The following ASH1L variants were observed in gnomAD, a reference collection of about 807,000 sequenced individuals.
The protein encoded by ASH1L is ASH1 like histone lysine methyltransferase.
In ASH1L, 23 loss-of-function variants were observed where a neutral mutation model predicts 269.0. That is an observed-to-expected ratio of 0.09 (90% confidence interval 0.06 to 0.12). The LOEUF (loss-of-function observed/expected upper bound fraction) is 0.12. ASH1L is among the 10% of genes least tolerant of loss of function. The probability of loss-of-function intolerance (pLI) is 1.00; values close to 1 mark genes in which losing one functional copy is unlikely to be tolerated. For missense variants in ASH1L, 2,912 were observed against 3,567.8 expected (o/e 0.82, Z 4.68); for synonymous variants, 1,187 against 1,253.5 (o/e 0.95, Z 1.12).
chr1:155,393,648 G>T (rs1658126476), intron 7 of ASH1L, among the ~76,000 whole-genome samples: 1 of 151,290 alleles, frequency 6.6e-6, no homozygotes, highest in African/African-American at 2.4e-5. Context: ...TCCGCCTCCT[G>T]GGTTCACGCC....
chr1:155,556,436 G>A lies in ASH1L; in HGVS notation c.-100+5717C>T, dbSNP rs12725249. The stretch of plus-strand genomic sequence containing the variant: ...TGTGTGTGTGTGTGTGTGTGTGTGT[G>A]TGTATGTGTATATATATATATTTTT... On this transcript the variant is annotated intron_variant, in intron 1 of 27. Coordinates refer to ENST00000392403, the MANE Select transcript of ASH1L (RefSeq NM_018489.3). Among the ~76,000 whole-genome samples, 3 of 135,504 alleles carry A rather than the reference G, an allele frequency of 2.2e-5. No homozygotes were observed. The East Asian group carries it at 7.6e-4, about 34-fold the overall frequency. 88.9% of individuals were successfully genotyped at this position (135,504 alleles called of 152,430 possible).
intron 5 of ASH1L, among the ~76,000 whole-genome samples, chr1:155,436,147 G>A (rs1364727638): frequency 6.6e-6 from 1 of 152,050 alleles, no homozygotes; most frequent in Non-Finnish European, 1.5e-5. Context: ...TGAAGCTTTT[G>A]CCCTATATTT....
At chr1:155,467,187 G>T (rs1664758354) in intron 3 of ASH1L, among the ~76,000 whole-genome samples, 1 of 152,174 alleles carries the variant, frequency 6.6e-6, no homozygotes, top group South Asian at 2.1e-4. Flanking sequence ...TGTGTAGCCA[G>T]CCATGAGTCA....
At position 155,438,806 on chromosome 1, in the gene ASH1L, A is replaced by G. The variant is rs147845232; in HGVS notation, c.5349T>C (p.Ser1783=). Residue 1783 remains serine (S), a synonymous_variant, in exon 5 of 28, where the codon TCT becomes TCC. Coordinates refer to ENST00000392403, the MANE Select transcript of ASH1L (RefSeq NM_018489.3). ...DSCNNSISLL[S]EKLTSSCSPH... ...GGGAACAGCTGCTTGTCAACTTTTC[A>G]GATAGGAGTGAGATGCTATTATTGC... 310 of 1,614,084 alleles carry G rather than the reference A, an allele frequency of 1.9e-4. 3 individuals are homozygous for G. Among genetic ancestry groups the G allele is most frequent in the Middle Eastern group, 1.5e-3 (9 of 6,084 alleles).
chr1:155,446,548 T>C (rs1663043910), intron 4 of ASH1L, among the ~76,000 whole-genome samples: 1 of 151,630 alleles, frequency 6.6e-6, no homozygotes, highest in Admixed American at 6.6e-5. Flanking sequence ...ATCCACACAC[T>C]TCTGTCTCCC....
intron 2 of ASH1L, among the ~76,000 whole-genome samples, chr1:155,518,698 C>T (rs1259148808): frequency 6.0e-4 from 15 of 24,804 alleles, no homozygotes; most frequent in Non-Finnish European, 1.1e-3. Flanking sequence ...GGTGGGGGGG[C>T]GGTGGGAGGA....
rs1654507326 is a variant in ASH1L at position 155,357,332 on chromosome 1, T to C, written c.7039A>G (p.Met2347Val). The C allele has an allele frequency of 4.3e-6, 7 of 1,613,466 alleles. No individual in the cohort carries two copies. The African/African-American group carries it at 5.3e-5, about 12-fold the overall frequency. The change falls in exon 15 of 28, where the codon ATG becomes GTG. Residue 2347 changes from methionine (M) to valine (V), a missense_variant. Coordinates refer to ENST00000392403, the MANE Select transcript of ASH1L (RefSeq NM_018489.3). ...CCTTTTTACCTTTCACGATTGGACA[T>C]TGGCTTCATCTGTAATTGGGGGGTC... is the stretch of plus-strand genomic sequence containing the variant. ...RLTPQLQMKP[M>V]SNRERNFVLK...
At chr1:155,521,674 A>C (rs1444299976) in intron 1 of ASH1L, 56 bp from the exon 2 acceptor site, 17 of 650,774 alleles carry the variant, frequency 2.6e-5, no homozygotes, top group Non-Finnish European at 3.8e-5. Context: ...ACTGATTAAC[A>C]TAAGTAATGG....
Position 155,480,529 on chromosome 1 carries a change from T to C in ASH1L, c.2341A>G (p.Lys781Glu). ...GATGGAGCTGTGGATTTGCTCAACT[T>C]TGGCAATCGGCGTTTAAGGAAGTCA... ...DHDFLKRRLP[K>E]LSKSTAPSLA... The change falls in exon 3 of 28, where the codon AAG (lysine) becomes GAG (glutamate). Residue 781 changes from lysine (K) to glutamate (E), a missense_variant. Physicochemically the swap from Lys to Glu is moderately conservative, Grantham distance 56 (BLOSUM62 1). This residue lies in a region of ASH1L where 715 missense variants were observed against 721.0 expected (regional missense o/e 0.99). Coordinates refer to ENST00000392403, the MANE Select transcript of ASH1L (RefSeq NM_018489.3). 2 of 1,614,098 alleles carry C rather than the reference T, an allele frequency of 1.2e-6. No homozygotes were observed. Among genetic ancestry groups the C allele is most frequent in the Non-Finnish European group, 1.7e-6 (2 of 1,179,970 alleles).
chr1:155,516,050 C>T (rs1668483593), intron 2 of ASH1L, among the ~76,000 whole-genome samples: 1 of 151,966 alleles, frequency 6.6e-6, no homozygotes, highest in African/African-American at 2.4e-5. Flanking sequence ...GTTCTGTTTT[C>T]CTCTTCTTTT....
intron 2 of ASH1L, among the ~76,000 whole-genome samples, chr1:155,499,336 C>T (rs1667360646): frequency 6.6e-6 from 1 of 152,076 alleles, no homozygotes; most frequent in Admixed American, 6.6e-5. Flanking sequence ...TTTTTAACAC[C>T]TCTTTTATTC....
intron 4 of ASH1L, among the ~76,000 whole-genome samples, chr1:155,449,490 G>A (rs1166045717): frequency 3.3e-5 from 5 of 151,008 alleles, no homozygotes; most frequent in East Asian, 1.9e-4. Flanking sequence ...AATTCCACAC[G>A]CACTTCAAAA....
intron 3 of ASH1L, among the ~76,000 whole-genome samples, chr1:155,460,103 A>G (rs1664178545): frequency 6.6e-6 from 1 of 152,344 alleles, no homozygotes; most frequent in South Asian, 2.1e-4. Flanking sequence ...CAGATCTTAT[A>G]TACATAAGTT....
chr1:155,515,570 A>G (rs1668446274), intron 2 of ASH1L, among the ~76,000 whole-genome samples: 1 of 152,074 alleles, frequency 6.6e-6, no homozygotes, highest in Non-Finnish European at 1.5e-5. Context: ...ACTCACTCCT[A>G]TAATCCCAGC....
intron 6 of ASH1L, among the ~76,000 whole-genome samples, chr1:155,407,546 A>G (rs556920357): frequency 6.6e-6 from 1 of 152,266 alleles, no homozygotes; most frequent in South Asian, 2.1e-4. Context: ...GACTGGTTAG[A>G]TAGACTATGA....
chr1:155,373,817 G>A (rs769200169), intron 10 of ASH1L, among the ~76,000 whole-genome samples: 6 of 151,992 alleles, frequency 3.9e-5, no homozygotes, highest in Non-Finnish European at 7.4e-5. Context: ...ATAGGCACAC[G>A]CCACCATGCC....
chr1:155,364,157 G>T (rs748823998), intron 12 of ASH1L, among the ~76,000 whole-genome samples: 1 of 152,036 alleles, frequency 6.6e-6, no homozygotes, highest in Admixed American at 6.6e-5. Context: ...TAGCCGGGCA[G>T]GGTGGCATGC....
At chr1:155,514,452 T>C (rs1043734785) in intron 2 of ASH1L, among the ~76,000 whole-genome samples, 3 of 152,232 alleles carry the variant, frequency 2.0e-5, no homozygotes, top group South Asian at 2.1e-4. Flanking sequence ...CCACTTGATA[T>C]TGGAATACGT....
intron 1 of ASH1L, among the ~76,000 whole-genome samples, chr1:155,522,557 A>G (rs1214330174): frequency 6.6e-6 from 1 of 152,218 alleles, no homozygotes; most frequent in Non-Finnish European, 1.5e-5. Context: ...TTTTAAAACT[A>G]GCGTGCTAAT....
Sources: allele counts gnomAD v4.1 joint callset (sites outside exome capture counted in the v4.1 genomes callset), GRCh38; gene constraint gnomAD v4.1.1; regional missense constraint gnomAD v4.1.1; transcripts MANE v1.5; gene names NCBI Gene and HGNC (gene_info 2026-07-23, HGNC 2026-07-21).